PRSS48: variants seen among roughly 807,000 people sequenced by gnomAD.
PRSS48 encodes epidermis-specific serine protease-like protein.
Under a neutral mutation model 25.6 loss-of-function variants are expected in PRSS48, and 21 were observed. The ratio of observed to expected loss-of-function variants is 0.82; its 90% CI spans 0.58 to 1.18. The LOEUF is 1.18. Ranked by LOEUF, PRSS48 falls within the 50% of genes most tolerant of loss-of-function variation. The pLI is 0.00. For synonymous variants in PRSS48, 150 were observed against 149.3 expected, an observed-to-expected ratio of 1.00 and a Z score of -0.04; for missense variants, 373 against 399.3, an observed-to-expected ratio of 0.93 and a Z score of 0.56.
chr4:151,277,882 A>T (rs1316547790), intron 1 of PRSS48, among the ~76,000 whole-genome samples: 1 of 152,090 alleles, frequency 6.6e-6, no homozygotes, highest in Non-Finnish European at 1.5e-5. Flanking sequence ...CTCTACAAAA[A>T]ATACAAAAAT....
intron 1 of PRSS48, chr4:151,279,342 C>A (rs1773956914): frequency 5.5e-6 from 1 of 181,618 alleles, no homozygotes; most frequent in African/African-American, 2.4e-5. Flanking sequence ...GAGCCACTAT[C>A]CCTGGTTTAA....
intron 4 of PRSS48, among the ~76,000 whole-genome samples, chr4:151,289,083 A>G (rs1033409833): frequency 1.1e-4 from 16 of 152,238 alleles, no homozygotes; most frequent in African/African-American, 3.9e-4. Context: ...ATAAACCCTT[A>G]TATTTATGGT....
chr4:151,279,097 T>A, intron 1 of PRSS48: 1 of 425,546 alleles, frequency 2.3e-6, no homozygotes, highest in Non-Finnish European at 4.5e-6. Context: ...CAGATAAAGC[T>A]GTGGCCCAAG....
chr4:151,291,807 C>T (rs951658393), downstream of PRSS48, among the ~76,000 whole-genome samples: 5 of 152,130 alleles, frequency 3.3e-5, no homozygotes, highest in Non-Finnish European at 7.3e-5. Context: ...GGGTCTACCT[C>T]GTGCCCATGG....
At chr4:151,281,566 T>C (rs563236811) in intron 2 of PRSS48, among the ~76,000 whole-genome samples, 1 of 152,030 alleles carries the variant, frequency 6.6e-6, no homozygotes, top group Non-Finnish European at 1.5e-5. Context: ...AACAGCTATA[T>C]ATAGGATTTC....
At chr4:151,283,932 A>T (rs753522557) in intron 4 of PRSS48, among the ~76,000 whole-genome samples, 2 of 152,210 alleles carry the variant, frequency 1.3e-5, no homozygotes, top group Non-Finnish European at 2.9e-5. Context: ...ATGAAAAATC[A>T]GCCATTATTT....
intron 4 of PRSS48, among the ~76,000 whole-genome samples, chr4:151,290,822 T>C (rs1404859627): frequency 6.6e-6 from 1 of 152,256 alleles, no homozygotes; most frequent in South Asian, 2.1e-4. Flanking sequence ...GTTCATTCAT[T>C]TGAATAAATT....
intron 1 of PRSS48, 97 bp from the exon 2 acceptor site, chr4:151,279,699 C>A (rs745798739): frequency 8.1e-7 from 1 of 1,232,998 alleles, no homozygotes; most frequent in South Asian, 1.4e-5. Flanking sequence ...GGGTTCAGGT[C>A]CTAGGAATAG....
At chr4:151,288,665 C>G (rs1200047953) in intron 4 of PRSS48, among the ~76,000 whole-genome samples, 1 of 151,302 alleles carries the variant, frequency 6.6e-6, no homozygotes, top group Non-Finnish European at 1.5e-5. Context: ...CGAAGCGAGA[C>G]TCTGTCTTAA....
chr4:151,288,638 C>A (rs561196943), intron 4 of PRSS48, among the ~76,000 whole-genome samples: 41 of 151,658 alleles, frequency 2.7e-4, no homozygotes, highest in Middle Eastern at 3.4e-3. Context: ...CACTGCACTC[C>A]AGCCTGGGCG....
intron 3 of PRSS48, among the ~76,000 whole-genome samples, chr4:151,282,663 T>A (rs924120569): frequency 3.3e-5 from 5 of 152,218 alleles, no homozygotes; most frequent in African/African-American, 1.2e-4. Context: ...AACACATAAC[T>A]ACCTCTCTCA....
intron 2 of PRSS48, among the ~76,000 whole-genome samples, chr4:151,280,159 T>C (rs975531726): frequency 2.9e-5 from 2 of 68,168 alleles, no homozygotes; most frequent in African/African-American, 6.9e-5. Context: ...AGGCACTATA[T>C]TAAAGACTTT....
At chr4:151,287,054 G>C (rs1178821017) in intron 4 of PRSS48, among the ~76,000 whole-genome samples, 2 of 150,612 alleles carry the variant, frequency 1.3e-5, no homozygotes, top group South Asian at 4.2e-4. Context: ...AAAAATAAAA[G>C]AGGGGACTGG....
chr4:151,279,428 C>G (rs1773969606), intron 1 of PRSS48, among the ~76,000 whole-genome samples: 1 of 152,102 alleles, frequency 6.6e-6, no homozygotes, highest in Non-Finnish European at 1.5e-5. Context: ...TGAAGATTCC[C>G]ACTAATAGGT....
At chr4:151,288,580 C>T (rs897475553) in intron 4 of PRSS48, among the ~76,000 whole-genome samples, 2 of 151,744 alleles carry the variant, frequency 1.3e-5, no homozygotes, top group Non-Finnish European at 2.9e-5. Context: ...AACCTCGTCT[C>T]TACTAAAAAT....
intron 4 of PRSS48, among the ~76,000 whole-genome samples, chr4:151,290,660 G>A (rs914223749): frequency 6.6e-6 from 1 of 152,152 alleles, no homozygotes; most frequent in African/African-American, 2.4e-5. Context: ...CCACTGAATT[G>A]TGTAGTATGT....
At chr4:151,277,391 G>A (rs377166925) in intron 1 of PRSS48, among the ~76,000 whole-genome samples, 167 bp downstream of exon 1, 4 of 152,170 alleles carry the variant, frequency 2.6e-5, no homozygotes, top group Admixed American at 1.3e-4. Context: ...CAATGCTCCC[G>A]ATTGGAAATA....
intron 4 of PRSS48, among the ~76,000 whole-genome samples, chr4:151,284,409 T>A (rs1774539489): frequency 6.6e-6 from 1 of 152,216 alleles, no homozygotes. Flanking sequence ...GAATGACCAT[T>A]TGGTTTTATT....
In PRSS48 at chr4:151,291,104, C is replaced by T. The variant is rs2150019096; in HGVS notation, c.652-14C>T. On this transcript the variant is annotated splice_polypyrimidine_tract_variant and intron_variant, in intron 4 of 4. Transcript: ENST00000455694. ...TCTTTTCACTATGCTCATTACCTTT[C>T]ATTTCTTCCTTAGGGTGATTCTGGA... The T allele has an allele frequency of 6.3e-7, 1 of 1,588,314 alleles. No individual in the cohort carries two copies. Among genetic ancestry groups the T allele is most frequent in the Non-Finnish European group, 8.6e-7 (1 of 1,164,026 alleles).
Sources: gnomAD v4.1 joint callset for allele counts (sites outside exome capture counted in the v4.1 genomes callset) on GRCh38, gnomAD v4.1.1 for gene constraint, MANE v1.5 for transcripts, NCBI Gene and HGNC (gene_info 2026-07-23, HGNC 2026-07-21) for gene names.